Variants in FHIT observed in about 807,000 individuals in gnomAD.
FHIT encodes the protein bis(5'-adenosyl)-triphosphatase.
Under a neutral mutation model 17.9 loss-of-function variants are expected in FHIT, and 19 were observed. The ratio of observed to expected loss-of-function variants is 1.06; its 90% confidence interval spans 0.74 to 1.56. FHIT has a LOEUF of 1.56. FHIT is among the 40% of genes most tolerant of loss of function. The pLI is 0.00. For synonymous variants in FHIT, 81 were observed against 69.7 expected, an observed-to-expected ratio of 1.16 and a Z score of -0.81; for missense variants, 248 against 189.2, an observed-to-expected ratio of 1.31 and a Z score of -1.82.
intron 3 of FHIT, among the ~76,000 whole-genome samples, chr3:60,884,910 C>CAAAAAAAAAAA (rs71092651): frequency 1.1e-4 from 12 of 110,262 alleles, no homozygotes; most frequent in African/African-American, 2.1e-4. Flanking sequence ...GACCCTTTCT[C>CAAAAAAAAAAA]AAAAAAAAAA....
intron 3 of FHIT, among the ~76,000 whole-genome samples, chr3:61,020,792 T>C (rs2093264405): frequency 6.6e-6 from 1 of 152,180 alleles, no homozygotes; most frequent in South Asian, 2.1e-4. Context: ...GAGACCCATC[T>C]TATGTGCAAA....
At position 60,749,798 on chromosome 3, in the gene FHIT, G is replaced by A. The variant is rs192824272; in HGVS notation, c.-18+72121C>T. On this transcript the variant is annotated intron_variant, in intron 4 of 9. Transcript: ENST00000492590. ...ATAACTTGAAGCCATAGTAAATGTG[G>A]GTATATCTCCAAGGATTAAGGAATA... Among the ~76,000 whole-genome samples, 34 of 152,120 alleles carry A rather than the reference G, an allele frequency of 2.2e-4. No individual in the cohort carries two copies. The East Asian group carries it at 6.6e-3, about 29-fold the overall frequency.
intron 5 of FHIT, among the ~76,000 whole-genome samples, chr3:60,393,160 A>G (rs1701299678): frequency 6.6e-6 from 1 of 152,130 alleles, no homozygotes; most frequent in Non-Finnish European, 1.5e-5. Flanking sequence ...TCTTCAGTTA[A>G]TAATGTAATC....
intron 4 of FHIT, among the ~76,000 whole-genome samples, chr3:60,654,155 C>T (rs893542057): frequency 2.0e-5 from 3 of 152,044 alleles, no homozygotes; most frequent in Non-Finnish European, 4.4e-5. Flanking sequence ...CTGAGGCCTC[C>T]CTAGAAGCCG....
intron 4 of FHIT, among the ~76,000 whole-genome samples, chr3:60,791,253 G>A (rs782487897): frequency 5.3e-5 from 8 of 151,754 alleles, no homozygotes; most frequent in Non-Finnish European, 1.2e-4. Flanking sequence ...GTAAAGAAGG[G>A]TTTCTCAGCT....
intron 5 of FHIT, among the ~76,000 whole-genome samples, chr3:60,126,096 G>C (rs542150210): frequency 9.2e-5 from 14 of 152,180 alleles, no homozygotes; most frequent in South Asian, 6.2e-4. Flanking sequence ...GGAAAAACAA[G>C]AACTTGGTCT....
chr3:61,029,162 T>A (rs989791827), intron 3 of FHIT, among the ~76,000 whole-genome samples: 3 of 152,192 alleles, frequency 2.0e-5, no homozygotes, highest in African/African-American at 7.2e-5. Flanking sequence ...GAAGAGCCTA[T>A]AAGGGAATGA....
At chr3:60,037,593 C>T (rs1450764772) in intron 5 of FHIT, among the ~76,000 whole-genome samples, 1 of 151,766 alleles carries the variant, frequency 6.6e-6, no homozygotes, top group Admixed American at 6.6e-5. Context: ...TGATGGCCAG[C>T]CTGGTCTCGA....
intron 5 of FHIT, among the ~76,000 whole-genome samples, chr3:60,448,711 G>T (rs9842655): frequency 6.6e-6 from 1 of 152,138 alleles, no homozygotes; most frequent in African/African-American, 2.4e-5. Context: ...ATGTAACTAC[G>T]GATTATGGAC....
At chr3:60,282,046 A>G (rs1447298221) in intron 5 of FHIT, among the ~76,000 whole-genome samples, 1 of 152,170 alleles carries the variant, frequency 6.6e-6, no homozygotes, top group Non-Finnish European at 1.5e-5. Flanking sequence ...ACGTTCATGC[A>G]TTGTTGGTGG....
intron 7 of FHIT, among the ~76,000 whole-genome samples, chr3:60,011,076 C>T (rs560883273): frequency 6.6e-6 from 1 of 152,352 alleles, no homozygotes; most frequent in East Asian, 1.9e-4. Flanking sequence ...TTCCTAGACA[C>T]TCTCTCACAT....
At chr3:60,105,755 T>A (rs1352252083) in intron 5 of FHIT, among the ~76,000 whole-genome samples, 3 of 152,174 alleles carry the variant, frequency 2.0e-5, no homozygotes, top group East Asian at 3.8e-4. Context: ...AGTGTGGATT[T>A]TTTTTTAGTT....
intron 7 of FHIT, among the ~76,000 whole-genome samples, chr3:59,949,871 T>C (rs112337141): frequency 3.0e-4 from 45 of 152,342 alleles, no homozygotes; most frequent in Admixed American, 5.9e-4. Context: ...GGTATGACTT[T>C]GCATTAAACA....
chr3:60,395,253 T>C (rs1438548596), intron 5 of FHIT, among the ~76,000 whole-genome samples: 1 of 152,136 alleles, frequency 6.6e-6, no homozygotes, highest in Admixed American at 6.6e-5. Flanking sequence ...ATCATTGTTT[T>C]TAGATACCAC....
intron 4 of FHIT, among the ~76,000 whole-genome samples, chr3:60,643,830 C>T (rs2039787221): frequency 6.6e-6 from 1 of 152,180 alleles, no homozygotes; most frequent in Admixed American, 6.5e-5. Context: ...AACTTATCAT[C>T]ATTAGAATCA....
intron 4 of FHIT, among the ~76,000 whole-genome samples, chr3:60,772,890 A>T (rs1399549266): frequency 6.6e-6 from 1 of 152,154 alleles, no homozygotes; most frequent in Non-Finnish European, 1.5e-5. Flanking sequence ...GTGTAAGAGG[A>T]CAGCTTCAAC....
intron 5 of FHIT, among the ~76,000 whole-genome samples, chr3:60,091,627 C>A (rs115657005): frequency 6.6e-6 from 1 of 152,068 alleles, no homozygotes; most frequent in Non-Finnish European, 1.5e-5. Flanking sequence ...AAGTGGGGCA[C>A]GGTGAGAGGT....
chr3:60,622,260 G>C (rs1403360503), intron 4 of FHIT, among the ~76,000 whole-genome samples: 8 of 152,226 alleles, frequency 5.3e-5, no homozygotes, highest in African/African-American at 1.7e-4. Flanking sequence ...GTGACCAACT[G>C]GAACAGGATT....
At chr3:60,539,506 C>T (rs1000365588) in intron 4 of FHIT, among the ~76,000 whole-genome samples, 11 of 152,042 alleles carry the variant, frequency 7.2e-5, no homozygotes, top group East Asian at 1.9e-4. Flanking sequence ...ATGTTTATTG[C>T]GGCACTATTC....
Sources: gnomAD v4.1 joint callset for allele counts (sites outside exome capture counted in the v4.1 genomes callset) on GRCh38, gnomAD v4.1.1 for gene constraint, MANE v1.5 for transcripts, NCBI Gene and HGNC (gene_info 2026-07-23, HGNC 2026-07-21) for gene names.